SHOX: variants seen among roughly 807,000 people sequenced by gnomAD.
The protein encoded by SHOX is short stature homeobox protein.
A neutral mutation model predicts 29.6 loss-of-function variants in SHOX; 12 were observed. The ratio of observed to expected loss-of-function variants is 0.41; its 90% CI spans 0.26 to 0.66. SHOX has a LOEUF of 0.66. Ranked by LOEUF, SHOX falls within the 30% of genes least tolerant of loss-of-function variation. The pLI is 0.35. For missense variants in SHOX, 499 were observed against 437.7 expected, an observed-to-expected ratio of 1.14 and a Z score of -1.25; for synonymous variants, 214 against 200.6, an observed-to-expected ratio of 1.07 and a Z score of -0.57.
rs1219534393 is a variant in SHOX, at chrX:631,077, G to C, written c.180G>C (p.Thr60=). ...CGGATTCCAGCCTCCAGGACATCAC[G>C]GAGGGCGGCGGCCACTGCCCGGTGC... is the stretch of plus-strand genomic sequence containing the variant. The part of the protein sequence containing the change: ...GTSDSSLQDI[T]EGGGHCPVHL... Residue 60 remains threonine (T), a synonymous_variant, in exon 1 of 5, where the codon ACG becomes ACC. Coordinates refer to ENST00000686671, the MANE Select transcript of SHOX (RefSeq NM_000451.4). 1.9e-6 allele frequency: 3 copies of C among 1,613,612 alleles called. No individual in the cohort carries two copies. Among genetic ancestry groups the C allele is most frequent in the South Asian group, 1.1e-5 (1 of 91,082 alleles).
chrX:649,388 C>G lies in SHOX; in HGVS notation c.*4752C>G, dbSNP rs2053019463. 6.6e-6 allele frequency among the ~76,000 whole-genome samples: 1 copy of G among 152,132 alleles called. No homozygotes were observed. On this transcript the variant is annotated 3_prime_UTR_variant, in exon 5 of 5. Coordinates refer to ENST00000686671, the MANE Select transcript of SHOX (RefSeq NM_000451.4). ...AGGAAGGACTGGGCTGATGGGGACC[C>G]TCTGTATGTGATGTGCGTGGGTTTG... is the stretch of plus-strand genomic sequence containing the variant.
chrX:636,971 T>TATATATATATATATATATA (rs1243797446), intron 2 of SHOX, among the ~76,000 whole-genome samples: 11 of 129,290 alleles, frequency 8.5e-5, no homozygotes, highest in African/African-American at 3.0e-4. Flanking sequence ...TATATATATA[T>TATATATATATATATATATA]TTTGGCTCCT....
rs905724946 is a variant in SHOX at position 644,805 on chromosome X, A to G, written c.*169A>G. 1.1e-6 allele frequency: 1 copy of G among 893,114 alleles called. No individual in the cohort carries two copies. The highest frequency in any genetic ancestry group is 1.8e-5 in the African/African-American group (1 of 56,170). 55.3% of individuals were successfully genotyped at this position (893,114 alleles called of 1,614,324 possible). On this transcript the variant is annotated 3_prime_UTR_variant, in exon 5 of 5. Coordinates refer to ENST00000686671, the MANE Select transcript of SHOX (RefSeq NM_000451.4). ...AGGAGGGAGGCTCCCGGGACCGTCC[A>G]CGCACGACCCAGCCAGACCCTCGCG...
At chrX:630,703 GGAGAC>G, upstream of SHOX, 1 of 674,506 alleles carries the variant, frequency 1.5e-6, no homozygotes, top group Non-Finnish European at 2.6e-6. Flanking sequence ...CGCGGAGCCC[GGAGAC>G]CAGTAATTGC....
At chrX:624,869 TC>T (rs2052481278) in intron 1 of SHOX, among the ~76,000 whole-genome samples, 1 of 58,274 alleles carries the variant, frequency 1.7e-5, no homozygotes, top group Non-Finnish European at 2.9e-5. Context: ...TTCTTTTCTT[TC>T]TTTCTTTCTT....
rs954879997 is a variant in SHOX, at chrX:630,986, A to G, written c.89A>G (p.Lys30Arg). The G allele has an allele frequency of 1.9e-6, 3 of 1,613,758 alleles. No homozygotes were observed. In the African/African-American group the frequency reaches 4.0e-5, roughly 22 times the overall value. Residue 30 changes from lysine (K) to arginine (R), a missense_variant, in exon 1 of 5, where the codon AAG becomes AGG. Physicochemically the swap from Lys to Arg is conservative, Grantham distance 26 (BLOSUM62 2). Coordinates refer to ENST00000686671, the MANE Select transcript of SHOX (RefSeq NM_000451.4). ...NGGGGGGGGK[K>R]DSITYREVLE... ...GGAGGCGGAGGCGGCGGAGGTAAGA[A>G]GGATTCCATTACGTACCGGGAAGTT...
downstream of SHOX, among the ~76,000 whole-genome samples, chrX:655,614 C>CTATA (rs1173014302): frequency 1.1e-3 from 39 of 35,046 alleles, no homozygotes; most frequent in African/African-American, 2.8e-3. Flanking sequence ...CTCTCTCTCT[C>CTATA]TATATATATA....
intron 1 of SHOX, chrX:631,976 C>G (rs1036774039): frequency 1.5e-5 from 7 of 456,110 alleles, no homozygotes; most frequent in Non-Finnish European, 2.6e-5. Context: ...CGGGAAGACT[C>G]GAGGCTGCGT....
At chrX:625,518 T>C (rs1471583768) in intron 1 of SHOX, among the ~76,000 whole-genome samples, 1 of 151,908 alleles carries the variant, frequency 6.6e-6, no homozygotes, top group Non-Finnish European at 1.5e-5. Context: ...TTTTTCTCTG[T>C]CTATCTCTGT....
chrX:630,816 C>T lies in SHOX; in HGVS notation c.-82C>T. 6.4e-7 allele frequency: 1 copy of T among 1,552,632 alleles called. No homozygotes were observed. Among genetic ancestry groups the T allele is most frequent in the South Asian group, 1.1e-5 (1 of 89,556 alleles). On this transcript the variant is annotated 5_prime_UTR_variant, in exon 1 of 5. Transcript: ENST00000686671. Reference sequence around the variant, plus strand: ...GTAAATAACAGCGCTGGTGATCCACCCGCGCGCACGGGCCGTCCTCTCCGC... The same window carrying T: ...GTAAATAACAGCGCTGGTGATCCACTCGCGCGCACGGGCCGTCCTCTCCGC...
intron 1 of SHOX, among the ~76,000 whole-genome samples, chrX:632,378 C>G (rs1157037005): frequency 6.6e-6 from 1 of 152,214 alleles, no homozygotes; most frequent in Non-Finnish European, 1.5e-5. Context: ...CGGCATACAT[C>G]TTAAGAATAA....
intron 2 of SHOX, among the ~76,000 whole-genome samples, chrX:636,723 TAAAATATATATATAAAC>T (rs1449116964): frequency 0.077 from 758 of 9,850 alleles, 274 homozygotes; most frequent in East Asian, 0.14. Context: ...TATATATACA[TAAAATATATATATAAAC>T]ATATATATAC....
Position 650,792 on chromosome X carries a change from TA to T in SHOX, c.*6183del, listed in dbSNP as rs1041655715. Among the ~76,000 whole-genome samples, 4,636 of 50,600 alleles carry T rather than the reference TA, an allele frequency of 0.092. 140 individuals carry two copies. The highest frequency in any genetic ancestry group is 0.14 in the Middle Eastern group (8 of 56). 33.2% of individuals were successfully genotyped at this position (50,600 alleles called of 152,430 possible). On this transcript the variant is annotated 3_prime_UTR_variant, in exon 5 of 5. Transcript: ENST00000686671. ...GGCTTTCGGTGGACACGTTTGACAT[TA>T]AAAAAAAAAAAAAAAAAAAAAAAAA...
At chrX:630,507 C>T, upstream of SHOX, 1 of 346,914 alleles carries the variant, frequency 2.9e-6, no homozygotes, top group Non-Finnish European at 5.3e-6. Context: ...GGAGAGAACG[C>T]GGGTAACCTG....
intron 4 of SHOX, 118 bp downstream of exon 4, chrX:641,205 A>C: frequency 3.0e-6 from 3 of 998,680 alleles, no homozygotes; most frequent in South Asian, 1.3e-5. Context: ...CAGACTTCTC[A>C]GCTGGCCCTT....
intron 2 of SHOX, among the ~76,000 whole-genome samples, chrX:635,247 T>G (rs2052724598): frequency 6.6e-6 from 1 of 152,042 alleles, no homozygotes; most frequent in Admixed American, 6.6e-5. Context: ...TGGATTATAC[T>G]TAGGAGACGA....
intron 2 of SHOX, among the ~76,000 whole-genome samples, chrX:635,899 C>T (rs1250526684): frequency 6.6e-6 from 1 of 151,440 alleles, no homozygotes; most frequent in Non-Finnish European, 1.5e-5. Flanking sequence ...TCAGGATCCC[C>T]GGACCCTGGG....
At chrX:642,325 A>G (rs2052871175) in intron 4 of SHOX, among the ~76,000 whole-genome samples, 1 of 150,530 alleles carries the variant, frequency 6.6e-6, no homozygotes, top group Non-Finnish European at 1.5e-5. Context: ...GGCAGGGCGG[A>G]CGCGTGGCCT....
chrX:636,970 A>ATATATATATATATATATTTTTTTT (rs1458275715), intron 2 of SHOX, among the ~76,000 whole-genome samples: 1 of 137,330 alleles, frequency 7.3e-6, no homozygotes, highest in African/African-American at 2.8e-5. Context: ...ATATATATAT[A>ATATATATATATATATATTTTTTTT]TTTTGGCTCC....
Sources: gnomAD v4.1 joint callset for allele counts (sites outside exome capture counted in the v4.1 genomes callset) on GRCh38, gnomAD v4.1.1 for gene constraint, MANE v1.5 for transcripts, NCBI Gene and HGNC (gene_info 2026-07-23, HGNC 2026-07-21) for gene names.